Variants in FSTL4 observed in about 807,000 individuals in gnomAD.
FSTL4 encodes follistatin like 4, also known as follistatin-related protein 4.
FSTL4 carries 28 observed loss-of-function variants against 78.2 expected under a neutral mutation model. The observed-to-expected ratio is 0.36, with a 90% CI of 0.27 to 0.49. The LOEUF (loss-of-function observed/expected upper bound fraction) is 0.49, where lower values mean the gene tolerates loss of function less well. Among genes scored for constraint, FSTL4 ranks in the 20% least tolerant of loss-of-function variants. The pLI is 0.98. For synonymous variants in FSTL4, 422 were observed against 440.5 expected (o/e 0.96, Z 0.53); for missense variants, 922 against 1,084.9 (o/e 0.85, Z 2.11).
intron 3 of FSTL4, among the ~76,000 whole-genome samples, chr5:133,420,744 A>G (rs56341762): frequency 0.25 from 37,985 of 152,144 alleles, 5,010 homozygotes; most frequent in Admixed American, 0.3. Context: ...CCCTCTGTTC[A>G]TGGCTGCAGC....
chr5:133,335,371 C>T (rs1429698691), intron 4 of FSTL4, among the ~76,000 whole-genome samples: 6 of 152,162 alleles, frequency 3.9e-5, no homozygotes, highest in Admixed American at 6.5e-5. Context: ...GACTCAGGCA[C>T]GGCTGGGACT....
intron 3 of FSTL4, among the ~76,000 whole-genome samples, chr5:133,475,391 A>C (rs1293483597): frequency 6.6e-6 from 1 of 152,208 alleles, no homozygotes; most frequent in Non-Finnish European, 1.5e-5. Context: ...GGAGGCCAGG[A>C]GGGTTTTCCA....
intron 3 of FSTL4, among the ~76,000 whole-genome samples, chr5:133,512,018 C>T (rs2112888555): frequency 6.6e-6 from 1 of 152,280 alleles, no homozygotes; most frequent in East Asian, 1.9e-4. Context: ...CTGCAAGGTC[C>T]TTGCTCCCTT....
rs910044802 is a variant in FSTL4, at chr5:133,196,753, C to T, written c.*2342G>A. 2.0e-5 allele frequency: 3 copies of T among 152,338 alleles called. No homozygotes were observed. The highest frequency in any genetic ancestry group is 7.2e-5 in the African/African-American group (3 of 41,462). The allele number at this position is 152,338 out of a possible 1,614,324, so 9.4% of individuals were successfully genotyped here. The stretch of plus-strand genomic sequence containing the variant: ...CCTCTTCCTCCTTCTCCTCCCACCC[C>T]TGACTCCCCACCCAACCAACTCTAT... On this transcript the variant is annotated 3_prime_UTR_variant, in exon 16 of 16. Transcript: ENST00000265342.
intron 6 of FSTL4, among the ~76,000 whole-genome samples, chr5:133,306,012 T>C (rs1039382524): frequency 3.9e-5 from 6 of 152,206 alleles, no homozygotes; most frequent in African/African-American, 1.4e-4. Context: ...CCTTCCGCAT[T>C]TGTCCTCACC....
At chr5:133,704,172 C>T in the FSTL4 span, among the ~76,000 whole-genome samples, 1 of 152,130 alleles carries the variant, frequency 6.6e-6, no homozygotes, top group Non-Finnish European at 1.5e-5. Context: ...CTGCAAACAG[C>T]TGTCTATGTG....
intron 3 of FSTL4, among the ~76,000 whole-genome samples, chr5:133,523,507 G>T (rs1489065615): frequency 6.6e-6 from 1 of 152,216 alleles, no homozygotes; most frequent in Non-Finnish European, 1.5e-5. Flanking sequence ...TAGAGAAAGG[G>T]CATGGGTTTC....
intron 7 of FSTL4, chr5:133,247,268 A>G (rs368141699): frequency 6.6e-6 from 1 of 152,184 alleles, no homozygotes; most frequent in African/African-American, 2.4e-5. Context: ...TTGCACCCAC[A>G]ATTACCCAAA....
intron 4 of FSTL4, among the ~76,000 whole-genome samples, chr5:133,380,015 C>T (rs1755527887): frequency 6.6e-6 from 1 of 151,596 alleles, no homozygotes; most frequent in South Asian, 2.1e-4. Flanking sequence ...ACAGAGGTTG[C>T]AGTGAGCCAC....
intron 13 of FSTL4, among the ~76,000 whole-genome samples, chr5:133,216,227 T>C (rs1191822889): frequency 3.9e-5 from 6 of 152,214 alleles, no homozygotes; most frequent in Non-Finnish European, 7.3e-5. Flanking sequence ...AAACTGATCC[T>C]TTTTCACCAC....
In FSTL4 at chr5:133,320,988, C is replaced by T. The variant is rs961232708; in HGVS notation, c.410-4336G>A. 1.3e-4 allele frequency among the ~76,000 whole-genome samples: 16 copies of T among 124,588 alleles called. No individual in the cohort carries two copies. The Admixed American group carries it at 1.4e-3, about 11-fold the overall frequency. 81.7% of individuals were successfully genotyped at this position (124,588 alleles called of 152,430 possible). A position where few individuals can be genotyped will look rare whatever the true frequency, so the allele number is the denominator to read the frequency against. On this transcript the variant is annotated intron_variant, in intron 4 of 15. Transcript: ENST00000265342. ...CGCCACTGCACTCCAGCCTGGGTGA[C>T]AGAGCGAGACTCCGTCTCAAAAAAA... is the stretch of plus-strand genomic sequence containing the variant.
the FSTL4 span, among the ~76,000 whole-genome samples, chr5:133,679,416 C>T: frequency 1.7e-3 from 266 of 152,288 alleles, no homozygotes; most frequent in Middle Eastern, 0.014. Context: ...GCCTGCCATG[C>T]TAACTCCTTT....
intron 3 of FSTL4, among the ~76,000 whole-genome samples, chr5:133,481,539 C>CAAA (rs34556142): frequency 4.0e-4 from 26 of 65,342 alleles, no homozygotes; most frequent in East Asian, 1.3e-3. Flanking sequence ...GAGACTGTCT[C>CAAA]AAAAAAAAAA....
At chr5:133,522,815 C>G (rs1439200021) in intron 3 of FSTL4, among the ~76,000 whole-genome samples, 1 of 152,208 alleles carries the variant, frequency 6.6e-6, no homozygotes, top group Non-Finnish European at 1.5e-5. Flanking sequence ...AGATTTGAAA[C>G]GCTAAGTGCC....
At chr5:133,497,794 T>C (rs2112874329) in intron 3 of FSTL4, among the ~76,000 whole-genome samples, 1 of 152,316 alleles carries the variant, frequency 6.6e-6, no homozygotes, top group Middle Eastern at 3.4e-3. Flanking sequence ...AACACGGTTA[T>C]ACAACTAAAA....
the FSTL4 span, among the ~76,000 whole-genome samples, chr5:133,687,008 A>G: frequency 6.6e-6 from 1 of 152,202 alleles, no homozygotes; most frequent in African/African-American, 2.4e-5. Context: ...CGGGAAGGGC[A>G]CTGCAAGTGT....
At chr5:133,358,350 G>A (rs890224325) in intron 4 of FSTL4, among the ~76,000 whole-genome samples, 2 of 152,114 alleles carry the variant, frequency 1.3e-5, no homozygotes, top group African/African-American at 2.4e-5. Context: ...AATTCAGCCC[G>A]TCAGCTCCCA....
the FSTL4 span, among the ~76,000 whole-genome samples, chr5:133,817,493 G>C: frequency 2.0e-5 from 3 of 152,224 alleles, no homozygotes; most frequent in Non-Finnish European, 2.9e-5. Flanking sequence ...CTCCCCAAGG[G>C]CTGGGAGTCA....
At chr5:133,473,398 T>C (rs1757864183) in intron 3 of FSTL4, among the ~76,000 whole-genome samples, 1 of 152,064 alleles carries the variant, frequency 6.6e-6, no homozygotes, top group Non-Finnish European at 1.5e-5. Context: ...ATGCAGTGTG[T>C]CCCTCCCATG....
Sources: gnomAD v4.1 joint callset for allele counts (sites outside exome capture counted in the v4.1 genomes callset) on GRCh38, gnomAD v4.1.1 for gene constraint, MANE v1.5 for transcripts, NCBI Gene and HGNC (gene_info 2026-07-23, HGNC 2026-07-21) for gene names.